IFRD1: variants seen among roughly 807,000 people sequenced by gnomAD.
IFRD1 encodes interferon related developmental regulator 1, also known as interferon-related developmental regulator 1.
In IFRD1, 35 loss-of-function variants were observed where a neutral mutation model predicts 52.9. The observed-to-expected ratio is 0.66, with a 90% CI of 0.51 to 0.88. The LOEUF is 0.88. Ranked by LOEUF, IFRD1 falls within the 40% of genes least tolerant of loss-of-function variation. IFRD1 has a pLI of 0.00. For missense variants in IFRD1, 517 were observed against 550.8 expected, an observed-to-expected ratio of 0.94 and a Z score of 0.61; for synonymous variants, 184 against 188.4, an observed-to-expected ratio of 0.98 and a Z score of 0.19.
intron 1 of IFRD1, among the ~76,000 whole-genome samples, chr7:112,444,207 G>C (rs530118321): frequency 3.8e-4 from 58 of 152,218 alleles, no homozygotes; most frequent in Non-Finnish European, 6.5e-4. Context: ...CTGCAGCTTT[G>C]TGAGATAAGC....
At chr7:112,454,670 A>G (rs534575348) in intron 1 of IFRD1, among the ~76,000 whole-genome samples, 3 of 152,266 alleles carry the variant, frequency 2.0e-5, no homozygotes, top group East Asian at 3.9e-4. Flanking sequence ...TCCCCTTAAC[A>G]TAAGACATGT....
chr7:112,468,856 T>A (rs1331471770), intron 9 of IFRD1, among the ~76,000 whole-genome samples: 1 of 152,238 alleles, frequency 6.6e-6, no homozygotes, highest in Non-Finnish European at 1.5e-5. Flanking sequence ...AAACCCAGCA[T>A]TTTAACAAGG....
chr7:112,458,792 G>A, intron 4 of IFRD1, 69 bp from the exon 5 acceptor site: 1 of 1,425,204 alleles, frequency 7.0e-7, no homozygotes, highest in Non-Finnish European at 9.9e-7. Flanking sequence ...TCAAATTTGG[G>A]AAATAACTGT....
chr7:112,457,171 A>T, intron 4 of IFRD1, 133 bp downstream of exon 4: 1 of 891,632 alleles, frequency 1.1e-6, no homozygotes, highest in Non-Finnish European at 1.8e-6. Flanking sequence ...GGAGTGCACC[A>T]TCTTGTTATG....
intron 5 of IFRD1, 22 bp from the exon 6 acceptor site, chr7:112,461,844 A>C: frequency 1.6e-6 from 2 of 1,243,742 alleles, no homozygotes; most frequent in Non-Finnish European, 2.3e-6. Context: ...TAATGTCTAT[A>C]TATATATATT....
chr7:112,433,295 G>T (rs1254554936), intron 1 of IFRD1, among the ~76,000 whole-genome samples: 1 of 152,136 alleles, frequency 6.6e-6, no homozygotes, highest in Non-Finnish European at 1.5e-5. Context: ...TGGAAAGTGG[G>T]GTGTGCTGAT....
rs550022027 is a variant in IFRD1, at chr7:112,457,737, G to T, written c.409+699G>T. ...TATTATAACAAACAAAACAAAACGA[G>T]ATTTGGTGTCTGCCAACTTATTCAG... On this transcript the variant is annotated intron_variant, in intron 4 of 11. Coordinates refer to ENST00000403825, the MANE Select transcript of IFRD1 (RefSeq NM_001550.4). The T allele has an allele frequency of 2.0e-5, 3 of 152,196 alleles. No homozygotes were observed. The South Asian group carries it at 6.2e-4, about 32-fold the overall frequency. 9.4% of individuals were successfully genotyped at this position (152,196 alleles called of 1,614,324 possible).
At chr7:112,436,735 A>G (rs559155049) in intron 1 of IFRD1, among the ~76,000 whole-genome samples, 1 of 152,322 alleles carries the variant, frequency 6.6e-6, no homozygotes, top group East Asian at 1.9e-4. Flanking sequence ...ATTATAGTAT[A>G]CAACCAACAA....
chr7:112,462,977 T>TAAA (rs1229299300), intron 8 of IFRD1, among the ~76,000 whole-genome samples: 2 of 152,192 alleles, frequency 1.3e-5, no homozygotes, highest in Admixed American at 1.3e-4. Flanking sequence ...GTTTTTGGTT[T>TAAA]AGCACTTACC....
upstream of IFRD1, among the ~76,000 whole-genome samples, chr7:112,449,160 T>A (rs561509195): frequency 1.3e-4 from 20 of 152,234 alleles, no homozygotes; most frequent in South Asian, 4.1e-3. Context: ...ATGAAAAGAC[T>A]GGGAGATCGC....
At chr7:112,463,876 A>C (rs1402434982) in intron 8 of IFRD1, among the ~76,000 whole-genome samples, 2 of 44,366 alleles carry the variant, frequency 4.5e-5, no homozygotes, top group East Asian at 4.5e-4. Context: ...ACACACACAC[A>C]CACACACACA....
chr7:112,456,861 T>C, intron 3 of IFRD1, 53 bp from the exon 4 acceptor site: 2 of 1,577,258 alleles, frequency 1.3e-6, no homozygotes, highest in East Asian at 2.2e-5. Flanking sequence ...TAAAAAGTTA[T>C]TTATTGTATA....
At chr7:112,452,820 T>C (rs1364185635) in intron 1 of IFRD1, among the ~76,000 whole-genome samples, 1 of 152,258 alleles carries the variant, frequency 6.6e-6, no homozygotes, top group Non-Finnish European at 1.5e-5. Context: ...TTTTAGCATA[T>C]GTAAACAAGT....
intron 11 of IFRD1, 95 bp downstream of exon 11, chr7:112,472,956 G>C: frequency 1.2e-6 from 1 of 842,546 alleles, no homozygotes; most frequent in Admixed American, 1.8e-5. Flanking sequence ...TATATGTGGA[G>C]TTTTAGTTTT....
rs1463653444 is a variant in IFRD1, at chr7:112,476,778, A to T, written c.*1259A>T. On this transcript the variant is annotated 3_prime_UTR_variant, in exon 12 of 12. Coordinates refer to ENST00000403825, the MANE Select transcript of IFRD1 (RefSeq NM_001550.4). The stretch of plus-strand genomic sequence containing the variant: ...GATTAAAATATATAGTGCAAGCAAC[A>T]TGCCATTTCAAATCCGTAGACTTGT... 6.6e-6 allele frequency: 1 copy of T among 152,232 alleles called. No individual in the cohort carries two copies. The highest frequency in any genetic ancestry group is 1.5e-5 in the Non-Finnish European group (1 of 68,038). 9.4% of individuals were successfully genotyped at this position (152,232 alleles called of 1,614,324 possible). A position where few individuals can be genotyped will look rare whatever the true frequency, so the allele number is the denominator to read the frequency against.
intron 1 of IFRD1, among the ~76,000 whole-genome samples, chr7:112,454,621 C>T (rs902039687): frequency 2.0e-5 from 3 of 152,140 alleles, no homozygotes; most frequent in Non-Finnish European, 4.4e-5. Context: ...TCTCTCACTT[C>T]AAGTTGTCTT....
At chr7:112,469,110 G>T (rs1343116463) in intron 9 of IFRD1, among the ~76,000 whole-genome samples, 4 of 152,160 alleles carry the variant, frequency 2.6e-5, no homozygotes, top group Non-Finnish European at 5.9e-5. Context: ...TTTGAAGGGT[G>T]TGTTTCTTAG....
At position 112,450,916 on chromosome 7, in the gene IFRD1, C is replaced by T. The variant is rs947750299; in HGVS notation, c.94+134C>T. 5.6e-6 allele frequency: 4 copies of T among 716,994 alleles called. No individual in the cohort carries two copies. In the East Asian group the frequency reaches 7.5e-5, roughly 13 times the overall value. 44.4% of individuals were successfully genotyped at this position (716,994 alleles called of 1,614,324 possible). A position where few individuals can be genotyped will look rare whatever the true frequency, so the allele number is the denominator to read the frequency against. On this transcript the variant is annotated intron_variant, in intron 1 of 11. Coordinates refer to ENST00000403825, the MANE Select transcript of IFRD1 (RefSeq NM_001550.4). ...ATTTCCAGGGTGCGTGGTTTGGCTA[C>T]TGAACTACAATTCCCAGCGTGCCCT...
chr7:112,457,128 A>G, intron 4 of IFRD1, 90 bp downstream of exon 4: 1 of 1,324,530 alleles, frequency 7.5e-7, no homozygotes, highest in Non-Finnish European at 1.1e-6. Flanking sequence ...GCACTGGAAC[A>G]CTGGCCCACT....
Sources: allele counts gnomAD v4.1 joint callset (sites outside exome capture counted in the v4.1 genomes callset), GRCh38; gene constraint gnomAD v4.1.1; transcripts MANE v1.5; gene names NCBI Gene and HGNC (gene_info 2026-07-23, HGNC 2026-07-21).